ADGRL2: variants seen among roughly 807,000 people sequenced by gnomAD.
ADGRL2 encodes adhesion G protein-coupled receptor L2.
ADGRL2 carries 44 observed loss-of-function variants against 157.4 expected under a neutral mutation model. The observed-to-expected ratio is 0.28, with a 90% CI of 0.22 to 0.36. ADGRL2 has a LOEUF of 0.36. Ranked by LOEUF, ADGRL2 falls within the 10% of genes least tolerant of loss-of-function variation. The pLI is 1.00. For missense variants in ADGRL2, 1,510 were observed against 1,768.9 expected, an observed-to-expected ratio of 0.85 and a Z score of 2.63; for synonymous variants, 585 against 624.7, an observed-to-expected ratio of 0.94 and a Z score of 0.95.
intron 2 of ADGRL2, among the ~76,000 whole-genome samples, chr1:81,851,673 C>T (rs758982567): frequency 2.7e-4 from 40 of 150,524 alleles, no homozygotes; most frequent in Admixed American, 6.6e-4. Flanking sequence ...ATGTTTATAG[C>T]TTGTAATTTA....
chr1:81,620,686 A>C (rs749919205), intron 3 of ADGRL2, among the ~76,000 whole-genome samples: 3 of 152,220 alleles, frequency 2.0e-5, no homozygotes, highest in Non-Finnish European at 4.4e-5. Flanking sequence ...GAATAATAGG[A>C]GAGAAGAATT....
intron 2 of ADGRL2, among the ~76,000 whole-genome samples, chr1:81,896,144 T>C (rs1346365142): frequency 2.0e-5 from 3 of 152,268 alleles, no homozygotes; most frequent in Admixed American, 2.0e-4. Context: ...ATGATGAAAT[T>C]GTCGTTTACT....
chr1:81,707,424 C>G (rs1436964391), intron 1 of ADGRL2, among the ~76,000 whole-genome samples: 1 of 152,078 alleles, frequency 6.6e-6, no homozygotes, highest in Non-Finnish European at 1.5e-5. Context: ...GTGGCCTGCC[C>G]ATAGGAAAAG....
intron 3 of ADGRL2, among the ~76,000 whole-genome samples, chr1:81,928,787 A>G (rs1383325697): frequency 2.0e-5 from 3 of 152,076 alleles, no homozygotes; most frequent in African/African-American, 7.2e-5. Flanking sequence ...TGTTTTGTTT[A>G]TACTTGGCAC....
intron 2 of ADGRL2, among the ~76,000 whole-genome samples, chr1:81,795,047 T>C (rs1274746991): frequency 6.6e-6 from 1 of 152,114 alleles, no homozygotes; most frequent in Non-Finnish European, 1.5e-5. Context: ...TCAACCAAAG[T>C]CAAAGTCAAA....
chr1:81,385,557 T>A (rs897801259), intron 1 of ADGRL2, among the ~76,000 whole-genome samples: 11 of 151,314 alleles, frequency 7.3e-5, no homozygotes, highest in African/African-American at 2.4e-4. Context: ...AAATATTTCC[T>A]AATACACAGG....
intron 1 of ADGRL2, among the ~76,000 whole-genome samples, chr1:81,376,876 T>C (rs1376897663): frequency 6.6e-6 from 1 of 152,192 alleles, no homozygotes; most frequent in Non-Finnish European, 1.5e-5. Flanking sequence ...GATAAATTCA[T>C]GACTTTTTGT....
At chr1:81,835,496 C>T (rs2092229152) in intron 1 of ADGRL2, among the ~76,000 whole-genome samples, 1 of 152,090 alleles carries the variant, frequency 6.6e-6, no homozygotes, top group African/African-American at 2.4e-5. Flanking sequence ...TTTTGGTTAC[C>T]TTTGAATAGT....
At chr1:81,974,930 A>G (rs1306731915) in intron 17 of ADGRL2, among the ~76,000 whole-genome samples, 1 of 152,064 alleles carries the variant, frequency 6.6e-6, no homozygotes, top group African/African-American at 2.4e-5. Flanking sequence ...GGATAGGTAA[A>G]AGAATGATCT....
At chr1:81,803,354 C>T (rs557365171) in intron 1 of ADGRL2, among the ~76,000 whole-genome samples, 9 of 152,142 alleles carry the variant, frequency 5.9e-5, no homozygotes, top group Admixed American at 5.9e-4. Flanking sequence ...GTTCCTTTCG[C>T]CAGACTGCGG....
chr1:81,462,721 T>A (rs940057007), intron 2 of ADGRL2, among the ~76,000 whole-genome samples: 1 of 152,192 alleles, frequency 6.6e-6, no homozygotes, highest in Non-Finnish European at 1.5e-5. Context: ...GACTTTTTGA[T>A]CATTCAAGAC....
intron 3 of ADGRL2, among the ~76,000 whole-genome samples, chr1:81,613,339 G>A (rs2081580283): frequency 6.6e-6 from 1 of 152,160 alleles, no homozygotes; most frequent in South Asian, 2.1e-4. Context: ...GGGTATGATG[G>A]CAATGCCAAG....
chr1:81,474,920 C>T (rs149010547), intron 2 of ADGRL2, among the ~76,000 whole-genome samples: 179 of 152,200 alleles, frequency 1.2e-3, no homozygotes, highest in African/African-American at 4.1e-3. Flanking sequence ...AAGATCATAA[C>T]TCTGGCAAAG....
chr1:81,445,152 C>T (rs1472305598), intron 2 of ADGRL2: 3 of 152,058 alleles, frequency 2.0e-5, no homozygotes, highest in Non-Finnish European at 4.4e-5. Flanking sequence ...TCAAGCACTG[C>T]CTAAATGTAT....
chr1:81,917,441 G>A (rs1431035452), intron 3 of ADGRL2, among the ~76,000 whole-genome samples: 1 of 150,802 alleles, frequency 6.6e-6, no homozygotes, highest in South Asian at 2.1e-4. Context: ...TTTTTTTAGT[G>A]CTGTTTATTA....
intron 2 of ADGRL2, among the ~76,000 whole-genome samples, chr1:81,792,029 G>A (rs1434498978): frequency 2.0e-5 from 3 of 152,138 alleles, no homozygotes; most frequent in East Asian, 1.9e-4. Flanking sequence ...CTTTCCGTGC[G>A]TATTTCTCCT....
intron 1 of ADGRL2, among the ~76,000 whole-genome samples, chr1:81,313,700 GAGAGCAC>G (rs1659912423): frequency 6.6e-6 from 1 of 152,156 alleles, no homozygotes; most frequent in Non-Finnish European, 1.5e-5. Context: ...TGTGTGAGAG[GAGAGCAC>G]AGAGCACATG....
chr1:81,981,027 G>T, intron 18 of ADGRL2: 1 of 407,602 alleles, frequency 2.5e-6, no homozygotes, highest in Non-Finnish European at 4.6e-6. Flanking sequence ...TCTTAATTTT[G>T]ACTAATTTAT....
At chr1:81,548,644 T>G (rs2148370804) in intron 2 of ADGRL2, among the ~76,000 whole-genome samples, 1 of 152,250 alleles carries the variant, frequency 6.6e-6, no homozygotes, top group South Asian at 2.1e-4. Context: ...ACTCTCAATT[T>G]TGATCTACAG....
Sources: allele counts gnomAD v4.1 joint callset (sites outside exome capture counted in the v4.1 genomes callset), GRCh38; gene constraint gnomAD v4.1.1; transcripts MANE v1.5; gene names NCBI Gene and HGNC (gene_info 2026-07-23, HGNC 2026-07-21).